TMEM9: variants seen among roughly 807,000 people sequenced by gnomAD.
TMEM9 encodes proton-transporting V-type ATPase complex assembly regulator TMEM9.
A neutral mutation model predicts 22.8 loss-of-function variants in TMEM9; 13 were observed. That is an observed-to-expected ratio of 0.57 (90% confidence interval 0.37 to 0.91). The LOEUF (loss-of-function observed/expected upper bound fraction) is 0.91, where lower values mean the gene tolerates loss of function less well. Ranked by LOEUF, TMEM9 falls within the 40% of genes least tolerant of loss-of-function variation. The pLI is 0.01. For synonymous variants in TMEM9, 88 were observed against 93.0 expected, an observed-to-expected ratio of 0.95 and a Z score of 0.31; for missense variants, 182 against 238.1, an observed-to-expected ratio of 0.76 and a Z score of 1.55.
At chr1:201,160,799 G>C (rs1303054914) in intron 1 of TMEM9, among the ~76,000 whole-genome samples, 1 of 151,862 alleles carries the variant, frequency 6.6e-6, no homozygotes, top group African/African-American at 2.4e-5. Context: ...AGCCGGGCGT[G>C]GTCGCAGGTG....
intron 4 of TMEM9, among the ~76,000 whole-genome samples, chr1:201,139,492 C>T (rs1336232262): frequency 6.6e-6 from 1 of 152,138 alleles, no homozygotes; most frequent in South Asian, 2.1e-4. Flanking sequence ...GTTTCCCTGC[C>T]CAAAAACCCC....
rs773610537 is a variant in TMEM9 at position 201,135,824 on chromosome 1, G to A, written c.400-9C>T. The A allele has an allele frequency of 2.5e-6, 4 of 1,577,520 alleles. No individual in the cohort carries two copies. The highest frequency in any genetic ancestry group is 2.6e-6 in the Non-Finnish European group (3 of 1,164,576). The stretch of plus-strand genomic sequence containing the variant: ...GCCATAGAGCGAGCATCCTGTAGTG[G>A]GAAGAAAAAAAGAGAAGATCTGGCA... On this transcript the variant is annotated splice_polypyrimidine_tract_variant and intron_variant, in intron 4 of 4. Coordinates refer to ENST00000367330, the MANE Select transcript of TMEM9 (RefSeq NM_001288565.2).
intron 1 of TMEM9, among the ~76,000 whole-genome samples, chr1:201,165,150 T>TATATATATATATATATATATA (rs1666040151): frequency 1.1e-5 from 1 of 87,068 alleles, no homozygotes; most frequent in African/African-American, 3.5e-5. Flanking sequence ...TAAGAGAAAA[T>TATATATATATATATATATATA]TATATATATA....
chr1:201,163,385 T>A (rs1276590942), intron 1 of TMEM9, among the ~76,000 whole-genome samples: 1 of 151,546 alleles, frequency 6.6e-6, no homozygotes, highest in Non-Finnish European at 1.5e-5. Context: ...AGGTCAGGAG[T>A]TTGAAACCAG....
chr1:201,164,729 T>G (rs1403924717), intron 1 of TMEM9, among the ~76,000 whole-genome samples: 1 of 152,176 alleles, frequency 6.6e-6, no homozygotes, highest in Non-Finnish European at 1.5e-5. Flanking sequence ...ACGTGCTTTA[T>G]TCTCAGACAG....
intron 4 of TMEM9, among the ~76,000 whole-genome samples, chr1:201,137,564 A>G (rs1478364442): frequency 2.0e-5 from 3 of 151,858 alleles, no homozygotes; most frequent in Non-Finnish European, 4.4e-5. Context: ...ATGCATTCTG[A>G]TATTCTTTGC....
At chr1:201,157,909 A>C (rs1665844034), upstream of TMEM9, among the ~76,000 whole-genome samples, 1 of 152,216 alleles carries the variant, frequency 6.6e-6, no homozygotes, top group African/African-American at 2.4e-5. Context: ...TCCACATCCT[A>C]ATCCCTGGAA....
chr1:201,151,707 C>A, intron 2 of TMEM9, 54 bp downstream of exon 2: 1 of 1,333,430 alleles, frequency 7.5e-7, no homozygotes, highest in Non-Finnish European at 1.1e-6. Flanking sequence ...CTCTAGTAAA[C>A]ACCCATAACT....
chr1:201,148,159 T>G (rs1665138204), intron 2 of TMEM9, among the ~76,000 whole-genome samples: 1 of 152,188 alleles, frequency 6.6e-6, no homozygotes, highest in African/African-American at 2.4e-5. Flanking sequence ...GGGATAAAGA[T>G]CATAGGTTCC....
chr1:201,145,865 G>A (rs1394630756), intron 3 of TMEM9, among the ~76,000 whole-genome samples: 1 of 152,246 alleles, frequency 6.6e-6, no homozygotes, highest in Non-Finnish European at 1.5e-5. Context: ...AGGAGGCTGA[G>A]GTGGGAGGGT....
intron 4 of TMEM9, among the ~76,000 whole-genome samples, chr1:201,138,897 C>T (rs1424776520): frequency 1.3e-5 from 2 of 152,208 alleles, no homozygotes; most frequent in East Asian, 3.8e-4. Flanking sequence ...GCTGGTTTCT[C>T]CTAAGAGGGA....
At chr1:201,135,887 C>T in intron 4 of TMEM9, 72 bp from the exon 5 acceptor site, 2 of 1,446,804 alleles carry the variant, frequency 1.4e-6, no homozygotes, top group Non-Finnish European at 1.8e-6. Flanking sequence ...GAAAGTCTGA[C>T]ATGGAAAGAA....
chr1:201,138,316 TAACA>T (rs1664186141), intron 4 of TMEM9, among the ~76,000 whole-genome samples: 1 of 152,200 alleles, frequency 6.6e-6, no homozygotes, highest in Admixed American at 6.5e-5. Context: ...TGTAAAGTCT[TAACA>T]AACAGCTCCT....
intron 4 of TMEM9, 148 bp downstream of exon 4, chr1:201,143,672 G>A: frequency 1.4e-6 from 1 of 695,290 alleles, no homozygotes; most frequent in Non-Finnish European, 2.4e-6. Context: ...TCCCTGCTGA[G>A]TCTGGGTGAT....
chr1:201,151,659 G>T, intron 2 of TMEM9, 102 bp downstream of exon 2: 1 of 818,730 alleles, frequency 1.2e-6, no homozygotes. Context: ...GCTCTCCATA[G>T]GAATGGGAGA....
chr1:201,152,924 T>C lies in TMEM9; in HGVS notation c.66+934A>G, dbSNP rs1665546563. ...GACTTCTAAGACAAAAGCTTGTTAA[T>C]GAATCAGGTGACTGGCAAAAACATT... On this transcript the variant is annotated intron_variant, in intron 1 of 4. Transcript: ENST00000367330. Among the ~76,000 whole-genome samples, 6 of 152,382 alleles carry C rather than the reference T, an allele frequency of 3.9e-5. No individual in the cohort carries two copies. The South Asian group carries it at 1.2e-3, about 32-fold the overall frequency.
intron 3 of TMEM9, chr1:201,144,832 A>AT (rs1302126452): frequency 1.3e-5 from 2 of 152,172 alleles, no homozygotes; most frequent in African/African-American, 4.8e-5. Flanking sequence ...ATCACCTGTG[A>AT]TCCCAAGGCT....
At chr1:201,147,872 G>A (rs1319476688) in intron 2 of TMEM9, among the ~76,000 whole-genome samples, 1 of 152,172 alleles carries the variant, frequency 6.6e-6, no homozygotes, top group Non-Finnish European at 1.5e-5. Context: ...CACCAGGAGG[G>A]CATGGCTTTG....
rs566831879 is a variant in TMEM9 at position 201,147,525 on chromosome 1, T to C, written c.159-677A>G. Among the ~76,000 whole-genome samples, 61 of 152,326 alleles carry C rather than the reference T, an allele frequency of 4.0e-4. 2 individuals carry two copies. The highest frequency in any genetic ancestry group is 3.4e-3 in the Middle Eastern group (1 of 294). ...TCCTTTATTCTCTCCCACTGCTGTG[T>C]CTTAGCTGAGGCCCTCATCCTATCT... On this transcript the variant is annotated intron_variant, in intron 2 of 4. Transcript: ENST00000367330.
Sources: allele counts gnomAD v4.1 joint callset (sites outside exome capture counted in the v4.1 genomes callset), GRCh38; gene constraint gnomAD v4.1.1; transcripts MANE v1.5; gene names NCBI Gene and HGNC (gene_info 2026-07-23, HGNC 2026-07-21).